FERRY3: variants seen among roughly 807,000 people sequenced by gnomAD.
FERRY3 encodes the protein protein C12orf4.
the FERRY3 span, chr12:4,487,832 C>G: frequency 6.6e-6 from 1 of 152,046 alleles, no homozygotes; most frequent in South Asian, 2.1e-4. Flanking sequence ...GCTGTCTCAG[C>G]CCAAGGTACC....
chr12:4,491,780 G>A, the FERRY3 span, among the ~76,000 whole-genome samples: 262 of 152,230 alleles, frequency 1.7e-3, 1 homozygote, highest in African/African-American at 6.0e-3. Flanking sequence ...TATGATTAGC[G>A]CGTATGCCAT....
the FERRY3 span, among the ~76,000 whole-genome samples, chr12:4,501,465 C>T: frequency 6.6e-6 from 1 of 152,196 alleles, no homozygotes; most frequent in Non-Finnish European, 1.5e-5. Context: ...GCAAGTGAAG[C>T]TTCATCTGTA....
chr12:4,516,928 A>C, the FERRY3 span: 3 of 895,728 alleles, frequency 3.3e-6, no homozygotes, highest in Non-Finnish European at 4.5e-6. Context: ...AATAGAAAAA[A>C]CTTAAAAAAA....
At chr12:4,503,956 G>A in the FERRY3 span, among the ~76,000 whole-genome samples, 2 of 152,178 alleles carry the variant, frequency 1.3e-5, no homozygotes, top group African/African-American at 4.8e-5. Flanking sequence ...TTAAATTGTG[G>A]ATCCATGAAG....
At chr12:4,502,925 A>C in the FERRY3 span, among the ~76,000 whole-genome samples, 1 of 152,252 alleles carries the variant, frequency 6.6e-6, no homozygotes, top group African/African-American at 2.4e-5. The surrounding 1 kb of genome is among the most constrained non-coding windows in gnomAD (Gnocchi z 4.2). Flanking sequence ...CGTGAGGAAT[A>C]GTGTAGTTAT....
chr12:4,533,517 C>A, the FERRY3 span, among the ~76,000 whole-genome samples: 330 of 152,234 alleles, frequency 2.2e-3, 2 homozygotes, highest in African/African-American at 7.4e-3. Flanking sequence ...CTTTTCTTTG[C>A]CTCTTATACT....
chr12:4,524,293 T>C, the FERRY3 span, among the ~76,000 whole-genome samples: 1 of 152,126 alleles, frequency 6.6e-6, no homozygotes, highest in Non-Finnish European at 1.5e-5. Context: ...AAATAAGGGA[T>C]GTAGAATGGT....
chr12:4,506,266 G>T, the FERRY3 span, among the ~76,000 whole-genome samples: 1 of 152,038 alleles, frequency 6.6e-6, no homozygotes, highest in Non-Finnish European at 1.5e-5. Flanking sequence ...TTTTGGAATG[G>T]CCTTTAGCAT....
At chr12:4,513,091 CCAA>C in the FERRY3 span, among the ~76,000 whole-genome samples, 1 of 53,950 alleles carries the variant, frequency 1.9e-5, no homozygotes, top group Non-Finnish European at 3.6e-5. Flanking sequence ...TTCTTATACA[CCAA>C]CAACAGACAA....
At chr12:4,522,346 T>G in the FERRY3 span, among the ~76,000 whole-genome samples, 10 of 152,220 alleles carry the variant, frequency 6.6e-5, no homozygotes, top group Non-Finnish European at 1.5e-4. Flanking sequence ...AATACATTAT[T>G]TGATGATGGA....
chr12:4,533,996 C>T, the FERRY3 span: 19 of 685,422 alleles, frequency 2.8e-5, no homozygotes, highest in Non-Finnish European at 3.9e-5. Flanking sequence ...TATGTGCTCA[C>T]CCTGATATAG....
chr12:4,536,262 G>A, the FERRY3 span: 1 of 1,084,416 alleles, frequency 9.2e-7, no homozygotes. Context: ...AAGAAATTAT[G>A]TTTCATTATT....
chr12:4,519,577 C>A, the FERRY3 span, among the ~76,000 whole-genome samples: 2 of 152,174 alleles, frequency 1.3e-5, no homozygotes, highest in Non-Finnish European at 2.9e-5. This position sits in a 1 kb window ranked among gnomAD's most constrained non-coding sequence, Gnocchi z 4.3. Context: ...ATCCCAACAG[C>A]CCCATTAGAC....
the FERRY3 span, chr12:4,502,614 T>C: frequency 3.2e-6 from 1 of 316,974 alleles, no homozygotes; most frequent in Non-Finnish European, 6.1e-6. This position sits in a 1 kb window ranked among gnomAD's most constrained non-coding sequence, Gnocchi z 4.2. Context: ...CTCTTAACCT[T>C]TGCCCTCACA....
At chr12:4,511,192 A>C in the FERRY3 span, among the ~76,000 whole-genome samples, 7 of 151,800 alleles carry the variant, frequency 4.6e-5, no homozygotes, top group Admixed American at 6.6e-5. Context: ...AGAGCTAACT[A>C]TCCTAAATAT....
At chr12:4,525,332 G>A in the FERRY3 span, 7 of 1,613,210 alleles carry the variant, frequency 4.3e-6, no homozygotes, top group African/African-American at 4.0e-5. Context: ...TTTTTGGATG[G>A]CAGTTGATTG....
the FERRY3 span, among the ~76,000 whole-genome samples, chr12:4,503,290 A>G: frequency 6.6e-6 from 1 of 152,200 alleles, no homozygotes. Context: ...GGATGTTAAG[A>G]AGATGTGATT....
chr12:4,511,298 T>C, the FERRY3 span, among the ~76,000 whole-genome samples: 1 of 151,052 alleles, frequency 6.6e-6, no homozygotes, highest in Non-Finnish European at 1.5e-5. Context: ...ATGGGAGACT[T>C]TAACACCCCA....
At chr12:4,527,604 A>C in the FERRY3 span, among the ~76,000 whole-genome samples, 2 of 152,270 alleles carry the variant, frequency 1.3e-5, no homozygotes, top group Non-Finnish European at 2.9e-5. Flanking sequence ...TGGATAAATA[A>C]ATTAAGCACC....
Sources: gnomAD v4.1 joint callset for allele counts (sites outside exome capture counted in the v4.1 genomes callset) on GRCh38, gnomAD v4.1.1 for gene constraint, Gnocchi (gnomAD v3.1) non-coding constraint, MANE v1.5 for transcripts, NCBI Gene and HGNC (gene_info 2026-07-23, HGNC 2026-07-21) for gene names.